The following RALGAPA1 variants were observed in gnomAD, a reference collection of about 807,000 sequenced individuals.
RALGAPA1 encodes the protein Ral GTPase activating protein catalytic subunit alpha 1.
In RALGAPA1, 52 loss-of-function variants were observed where a neutral mutation model predicts 269.6. The ratio of observed to expected loss-of-function variants is 0.19; its 90% CI spans 0.15 to 0.24. The LOEUF is 0.24. Ranked by LOEUF, RALGAPA1 falls within the 10% of genes least tolerant of loss-of-function variation. The pLI is 1.00. For missense variants in RALGAPA1, 1,917 were observed against 3,013.9 expected, an observed-to-expected ratio of 0.64 and a Z score of 8.52; for synonymous variants, 817 against 1,008.3, an observed-to-expected ratio of 0.81 and a Z score of 3.60.
intron 31 of RALGAPA1, 42 bp downstream of exon 31, chr14:35,651,763 C>T (rs776354833): frequency 1.3e-6 from 2 of 1,517,080 alleles, no homozygotes; most frequent in East Asian, 4.7e-5. Flanking sequence ...AAATATTTTA[C>T]TAAATAACCA....
chr14:35,618,523 CAG>C (rs1001451247), intron 35 of RALGAPA1, among the ~76,000 whole-genome samples: 11 of 151,934 alleles, frequency 7.2e-5, no homozygotes, highest in Admixed American at 6.6e-4. Context: ...AATGATGAAA[CAG>C]AAGAGTTGTT....
intron 37 of RALGAPA1, among the ~76,000 whole-genome samples, chr14:35,574,868 T>C (rs2057440180): frequency 6.6e-6 from 1 of 152,158 alleles, no homozygotes; most frequent in Non-Finnish European, 1.5e-5. Context: ...GGCTCACACT[T>C]GCAATCCGAG....
At chr14:35,669,828 C>T (rs73248991) in intron 26 of RALGAPA1, among the ~76,000 whole-genome samples, 2,768 of 152,224 alleles carry the variant, frequency 0.018, 83 homozygotes, top group African/African-American at 0.063. Flanking sequence ...CTCTGTATTC[C>T]ACCTACAAAA....
chr14:35,618,528 G>A (rs957609980), intron 35 of RALGAPA1, among the ~76,000 whole-genome samples: 2 of 152,026 alleles, frequency 1.3e-5, no homozygotes, highest in African/African-American at 4.8e-5. Context: ...TGAAACAGAA[G>A]AGTTGTTTTC....
chr14:35,660,908 T>C (rs1302770542), intron 27 of RALGAPA1, among the ~76,000 whole-genome samples: 1 of 152,126 alleles, frequency 6.6e-6, no homozygotes, highest in African/African-American at 2.4e-5. Flanking sequence ...ATGTGGAATA[T>C]AAAAAGTTGA....
intron 35 of RALGAPA1, among the ~76,000 whole-genome samples, chr14:35,610,339 G>GC (rs1566815161): frequency 1.3e-5 from 2 of 150,664 alleles, no homozygotes; most frequent in Non-Finnish European, 3.0e-5. Context: ...CTGGAGTGCA[G>GC]TGGTGTGATC....
chr14:35,704,241 G>A (rs1367886733), intron 16 of RALGAPA1, among the ~76,000 whole-genome samples: 3 of 152,082 alleles, frequency 2.0e-5, no homozygotes, highest in Non-Finnish European at 4.4e-5. Flanking sequence ...AATCATAAAT[G>A]CAAGCAAGTT....
intron 1 of RALGAPA1, among the ~76,000 whole-genome samples, chr14:35,797,843 C>CA (rs200057234): frequency 0.12 from 14,164 of 118,054 alleles, 1,206 homozygotes; most frequent in East Asian, 0.46. Context: ...AATTACATCT[C>CA]AAAAAAAAAA....
intron 31 of RALGAPA1, among the ~76,000 whole-genome samples, chr14:35,636,067 C>T (rs1226601049): frequency 4.0e-5 from 6 of 149,662 alleles, no homozygotes; most frequent in Non-Finnish European, 5.9e-5. Context: ...CCACTGAACA[C>T]GCTTTTTTGT....
intron 7 of RALGAPA1, among the ~76,000 whole-genome samples, chr14:35,756,023 C>T (rs371051537): frequency 4.1e-4 from 62 of 152,154 alleles, no homozygotes; most frequent in African/African-American, 1.4e-3. Flanking sequence ...GTGTAAATTA[C>T]ATTTCTCCTA....
At chr14:35,696,605 TA>T (rs34309134) in intron 17 of RALGAPA1, among the ~76,000 whole-genome samples, 51,938 of 145,268 alleles carry the variant, frequency 0.36, 12,158 homozygotes, top group African/African-American at 0.67. Flanking sequence ...TTTGGTACGT[TA>T]AAAAAAAAAA....
At chr14:35,660,461 C>A (rs185087800) in intron 27 of RALGAPA1, among the ~76,000 whole-genome samples, 3 of 152,002 alleles carry the variant, frequency 2.0e-5, no homozygotes, top group African/African-American at 7.2e-5. Context: ...AGGTAAAAGA[C>A]CTGTACGCGG....
At position 35,797,770 on chromosome 14, in the gene RALGAPA1, G is replaced by A. The variant is rs1488432853; in HGVS notation, c.106+10960C>T. Among the ~76,000 whole-genome samples, 7 of 150,852 alleles carry A rather than the reference G, an allele frequency of 4.6e-5. No individual in the cohort carries two copies. In the East Asian group the frequency reaches 5.9e-4, roughly 13 times the overall value. ...TGAGGCAGGAGAATTGCTTGAACCC[G>A]GGATACGGAGGTTGCAGTGAGCCGA... On this transcript the variant is annotated intron_variant, in intron 1 of 41. Transcript: ENST00000680220.
chr14:35,608,735 C>T (rs894434277), intron 35 of RALGAPA1, among the ~76,000 whole-genome samples: 1 of 152,112 alleles, frequency 6.6e-6, no homozygotes, highest in African/African-American at 2.4e-5. Context: ...CAGACATTTC[C>T]TCAATAATAG....
intron 4 of RALGAPA1, among the ~76,000 whole-genome samples, chr14:35,767,666 C>T (rs973630456): frequency 1.3e-5 from 2 of 151,944 alleles, no homozygotes; most frequent in African/African-American, 2.4e-5. Flanking sequence ...CCAGTCTGGG[C>T]GACAGAGCAA....
At chr14:35,704,545 T>A (rs1232931822) in intron 16 of RALGAPA1, among the ~76,000 whole-genome samples, 2 of 152,168 alleles carry the variant, frequency 1.3e-5, no homozygotes, top group Non-Finnish European at 2.9e-5. Context: ...TTACAATTTC[T>A]ATCTGAAAAT....
At chr14:35,715,898 T>C (rs1206960981) in intron 16 of RALGAPA1, 1 of 985,292 alleles carries the variant, frequency 1.0e-6, no homozygotes, top group Non-Finnish European at 1.2e-6. Flanking sequence ...CATAGTTTTA[T>C]TTTGGTCAAG....
chr14:35,714,949 GT>G (rs1241735733), intron 16 of RALGAPA1, among the ~76,000 whole-genome samples: 1 of 152,126 alleles, frequency 6.6e-6, no homozygotes, highest in Non-Finnish European at 1.5e-5. Context: ...TGAGAACACT[GT>G]TTTCAGCATA....
At chr14:35,545,148 A>T (rs543149325) in intron 41 of RALGAPA1, among the ~76,000 whole-genome samples, 2 of 152,356 alleles carry the variant, frequency 1.3e-5, no homozygotes, top group South Asian at 4.1e-4. Context: ...TTATAAAATA[A>T]CTATCTTCTA....
Sources: allele counts gnomAD v4.1 joint callset (sites outside exome capture counted in the v4.1 genomes callset), GRCh38; gene constraint gnomAD v4.1.1; transcripts MANE v1.5; gene names NCBI Gene and HGNC (gene_info 2026-07-23, HGNC 2026-07-21).